ANKS1B: variants seen among roughly 807,000 people sequenced by gnomAD.
ANKS1B encodes ankyrin repeat and sterile alpha motif domain-containing protein 1B.
ANKS1B carries 36 observed loss-of-function variants against 148.3 expected under a neutral mutation model. The ratio of observed to expected loss-of-function variants is 0.24; its 90% CI spans 0.19 to 0.32. ANKS1B has a LOEUF of 0.32. ANKS1B is among the 10% of genes least tolerant of loss of function. The probability of loss-of-function intolerance (pLI) is 1.00; values close to 1 mark genes in which losing one functional copy is unlikely to be tolerated. For synonymous variants in ANKS1B, 542 were observed against 560.8 expected, an observed-to-expected ratio of 0.97 and a Z score of 0.47; for missense variants, 1,157 against 1,542.6, an observed-to-expected ratio of 0.75 and a Z score of 4.19.
At chr12:98,960,843 G>C (rs1251451231) in intron 17 of ANKS1B, among the ~76,000 whole-genome samples, 4 of 152,110 alleles carry the variant, frequency 2.6e-5, no homozygotes, top group Non-Finnish European at 5.9e-5. Context: ...AGAAATTCTG[G>C]AGTTGAAAAA....
chr12:99,753,618 T>G (rs2061311813), intron 8 of ANKS1B, among the ~76,000 whole-genome samples: 1 of 152,134 alleles, frequency 6.6e-6, no homozygotes, highest in African/African-American at 2.4e-5. Flanking sequence ...TCCCTCAGCA[T>G]TTGCTTGTCT....
chr12:99,498,775 T>C (rs1343192319), intron 10 of ANKS1B, among the ~76,000 whole-genome samples: 2 of 152,112 alleles, frequency 1.3e-5, no homozygotes, highest in East Asian at 1.9e-4. Flanking sequence ...AAAAGACTCG[T>C]GTGCATCAAG....
chr12:99,013,634 C>T (rs1321968505), intron 17 of ANKS1B, among the ~76,000 whole-genome samples: 5 of 152,176 alleles, frequency 3.3e-5, no homozygotes, highest in Non-Finnish European at 1.5e-5. Flanking sequence ...AGTCCAAAAG[C>T]TTCTTAAGCT....
chr12:99,286,670 G>A (rs1020817267), intron 12 of ANKS1B, among the ~76,000 whole-genome samples: 1 of 152,116 alleles, frequency 6.6e-6, no homozygotes, highest in African/African-American at 2.4e-5. Flanking sequence ...CCAGAGTGAA[G>A]ACTACTGTTC....
chr12:99,445,895 GTA>G (rs1325467385), intron 10 of ANKS1B, among the ~76,000 whole-genome samples: 2 of 151,602 alleles, frequency 1.3e-5, no homozygotes, highest in Admixed American at 1.3e-4. Flanking sequence ...CTAATTTTTT[GTA>G]TTTTTAGTAG....
At chr12:99,097,422 CT>C (rs2056563983) in intron 15 of ANKS1B, 1 of 151,946 alleles carries the variant, frequency 6.6e-6, no homozygotes, top group Non-Finnish European at 1.5e-5. Context: ...TCCCATATGG[CT>C]CGAAAATATT....
intron 12 of ANKS1B, among the ~76,000 whole-genome samples, chr12:99,356,154 T>A (rs756996111): frequency 2.0e-5 from 3 of 152,126 alleles, no homozygotes; most frequent in Non-Finnish European, 4.4e-5. Context: ...CTGATATAGA[T>A]GCCCAACGAA....
intron 17 of ANKS1B, among the ~76,000 whole-genome samples, chr12:98,920,429 T>TA (rs2099799947): frequency 6.6e-6 from 1 of 152,190 alleles, no homozygotes; most frequent in African/African-American, 2.4e-5. Context: ...TTAACGGACT[T>TA]ACAGTTCCAC....
chr12:99,968,153 A>G (rs961600661), intron 1 of ANKS1B, among the ~76,000 whole-genome samples: 3 of 152,166 alleles, frequency 2.0e-5, no homozygotes, highest in African/African-American at 7.2e-5. Flanking sequence ...CTGGTTCCCC[A>G]GTTTTCCTAC....
intron 9 of ANKS1B, among the ~76,000 whole-genome samples, chr12:99,564,210 A>G (rs1159829599): frequency 1.3e-5 from 2 of 152,152 alleles, no homozygotes; most frequent in African/African-American, 4.8e-5. Flanking sequence ...AGGTTCATAC[A>G]AAAATATTTA....
intron 9 of ANKS1B, among the ~76,000 whole-genome samples, chr12:99,526,986 G>A (rs1388560567): frequency 6.6e-6 from 1 of 152,198 alleles, no homozygotes; most frequent in Non-Finnish European, 1.5e-5. Context: ...ATCATATGAA[G>A]ATTGGAGTTA....
chr12:99,420,499 T>C (rs2095049071), intron 11 of ANKS1B, among the ~76,000 whole-genome samples: 1 of 152,208 alleles, frequency 6.6e-6, no homozygotes, highest in Non-Finnish European at 1.5e-5. Context: ...ATTTGTGTCA[T>C]AATATGATAG....
At chr12:99,106,614 A>C (rs1323919278) in intron 15 of ANKS1B, among the ~76,000 whole-genome samples, 1 of 152,190 alleles carries the variant, frequency 6.6e-6, no homozygotes, top group Non-Finnish European at 1.5e-5. Flanking sequence ...TATTTATGGG[A>C]TATATGTGAT....
chr12:99,785,544 C>T (rs1776783313), intron 4 of ANKS1B, among the ~76,000 whole-genome samples: 2 of 152,090 alleles, frequency 1.3e-5, no homozygotes, highest in Admixed American at 1.3e-4. Context: ...AGCGATTCTC[C>T]TGCCTCAGCT....
In ANKS1B at chr12:99,984,087, C is replaced by G. The variant is rs554602559; in HGVS notation, c.134+17G>C. 3.1e-6 allele frequency: 5 copies of G among 1,604,808 alleles called. No individual in the cohort carries two copies. The South Asian group carries it at 4.4e-5, about 14-fold the overall frequency. ...ATAATGAGGTGTGCCAACCCCGGAG[C>G]TGGTGCCCGTCCTTACCTTAGCAGA... On this transcript the variant is annotated intron_variant, in intron 1 of 26. Coordinates refer to ENST00000683438, the MANE Select transcript of ANKS1B (RefSeq NM_001352186.2).
At chr12:99,135,734 C>G (rs2067813159) in intron 15 of ANKS1B, among the ~76,000 whole-genome samples, 1 of 152,124 alleles carries the variant, frequency 6.6e-6, no homozygotes, top group Admixed American at 6.5e-5. Flanking sequence ...TCAGCTGTTT[C>G]TTTTATAAAC....
intron 17 of ANKS1B, among the ~76,000 whole-genome samples, chr12:99,014,911 C>T (rs189647046): frequency 7.2e-4 from 109 of 152,226 alleles, no homozygotes; most frequent in African/African-American, 2.2e-3. Context: ...ACTTATACAC[C>T]GTTGGTGTGA....
At chr12:99,318,538 G>C (rs1004096312) in intron 12 of ANKS1B, among the ~76,000 whole-genome samples, 4 of 151,996 alleles carry the variant, frequency 2.6e-5, no homozygotes, top group African/African-American at 9.7e-5. Context: ...TTTTTTTATT[G>C]TGTCTATTTG....
At chr12:99,257,236 T>TC (rs2075377248) in intron 12 of ANKS1B, among the ~76,000 whole-genome samples, 1 of 150,896 alleles carries the variant, frequency 6.6e-6, no homozygotes, top group South Asian at 2.1e-4. Flanking sequence ...ACAGCGAGAC[T>TC]CCGTCTCAAA....
Sources: allele counts gnomAD v4.1 joint callset (sites outside exome capture counted in the v4.1 genomes callset), GRCh38; gene constraint gnomAD v4.1.1; transcripts MANE v1.5; gene names NCBI Gene and HGNC (gene_info 2026-07-23, HGNC 2026-07-21).